The following CDH12 variants were observed in gnomAD, a reference collection of about 807,000 sequenced individuals.
CDH12 encodes the protein cadherin-12.
In CDH12, 41 loss-of-function variants were observed where a neutral mutation model predicts 74.1. The ratio of observed to expected loss-of-function variants is 0.55; its 90% CI spans 0.43 to 0.72. The LOEUF is 0.72. Ranked by LOEUF, CDH12 falls within the 30% of genes least tolerant of loss-of-function variation. The probability of loss-of-function intolerance (pLI) is 0.00; values close to 1 mark genes in which losing one functional copy is unlikely to be tolerated. For missense variants in CDH12, 945 were observed against 977.2 expected, an observed-to-expected ratio of 0.97 and a Z score of 0.44; for synonymous variants, 399 against 355.0, an observed-to-expected ratio of 1.12 and a Z score of -1.39.
At chr5:22,261,072 T>TATATATACTA (rs1753491713) in intron 3 of CDH12, among the ~76,000 whole-genome samples, 1 of 144,862 alleles carries the variant, frequency 6.9e-6, no homozygotes, top group Non-Finnish European at 1.5e-5. Context: ...TGTGTGTGTG[T>TATATATACTA]GTATATACAC....
chr5:22,741,579 A>C (rs1745026796), intron 1 of CDH12, among the ~76,000 whole-genome samples: 1 of 152,086 alleles, frequency 6.6e-6, no homozygotes, highest in African/African-American at 2.4e-5. Flanking sequence ...ATCTCATGCA[A>C]AATGTGAAAA....
chr5:21,924,167 C>G (rs184474306), intron 6 of CDH12, among the ~76,000 whole-genome samples: 1 of 152,160 alleles, frequency 6.6e-6, no homozygotes, highest in East Asian at 1.9e-4. Flanking sequence ...GCACTTTTTT[C>G]CCTGTTGAAT....
At chr5:22,652,265 A>G (rs1314205081) in intron 1 of CDH12, among the ~76,000 whole-genome samples, 2 of 152,284 alleles carry the variant, frequency 1.3e-5, no homozygotes, top group Middle Eastern at 3.4e-3. Flanking sequence ...ATACTAACAT[A>G]TGACCACAGA....
chr5:21,967,970 C>A (rs953259448), intron 6 of CDH12, among the ~76,000 whole-genome samples: 1 of 152,146 alleles, frequency 6.6e-6, no homozygotes, highest in Non-Finnish European at 1.5e-5. Context: ...TACAAATCAA[C>A]GGCTTGTCTC....
chr5:21,996,115 T>G (rs1461064429), intron 5 of CDH12, among the ~76,000 whole-genome samples: 5 of 81,846 alleles, frequency 6.1e-5, no homozygotes, highest in African/African-American at 1.6e-4. Flanking sequence ...GTTTTTTTTT[T>G]TTTTTTTTTT....
At chr5:22,213,212 C>T (rs1751641977) in intron 3 of CDH12, among the ~76,000 whole-genome samples, 1 of 152,032 alleles carries the variant, frequency 6.6e-6, no homozygotes, top group Non-Finnish European at 1.5e-5. Context: ...TTTATTACAG[C>T]CCTCCAGAGT....
At chr5:22,433,604 C>A (rs931692190) in intron 2 of CDH12, among the ~76,000 whole-genome samples, 9 of 151,924 alleles carry the variant, frequency 5.9e-5, no homozygotes, top group Non-Finnish European at 1.3e-4. Context: ...TACCATGTGA[C>A]AAGACATATA....
chr5:22,628,237 T>A (rs1330147608), intron 1 of CDH12, among the ~76,000 whole-genome samples: 1 of 152,100 alleles, frequency 6.6e-6, no homozygotes, highest in Non-Finnish European at 1.5e-5. Context: ...ACTCGACACT[T>A]GACCATATAG....
At chr5:22,307,280 C>T (rs1738155565) in intron 3 of CDH12, among the ~76,000 whole-genome samples, 1 of 152,168 alleles carries the variant, frequency 6.6e-6, no homozygotes, top group Non-Finnish European at 1.5e-5. Context: ...AATCTTCAGT[C>T]AATGTCAGCC....
chr5:22,784,113 A>G (rs1004844266), intron 1 of CDH12, among the ~76,000 whole-genome samples: 2 of 152,148 alleles, frequency 1.3e-5, no homozygotes, highest in Non-Finnish European at 2.9e-5. Flanking sequence ...TTACTGTGTC[A>G]TACATTGCCA....
At chr5:21,781,097 G>A (rs1004362922) in intron 11 of CDH12, among the ~76,000 whole-genome samples, 1 of 152,142 alleles carries the variant, frequency 6.6e-6, no homozygotes, top group Non-Finnish European at 1.5e-5. Context: ...TATGAAAGAA[G>A]ACGGCAAGGC....
At chr5:21,809,466 C>A (rs1561203400) in intron 9 of CDH12, among the ~76,000 whole-genome samples, 1 of 152,054 alleles carries the variant, frequency 6.6e-6, no homozygotes, top group Admixed American at 6.6e-5. Flanking sequence ...TTCTAACATG[C>A]ATTGTTGTAC....
chr5:22,337,689 T>G (rs1445108644), intron 3 of CDH12, among the ~76,000 whole-genome samples: 1 of 152,190 alleles, frequency 6.6e-6, no homozygotes, highest in Non-Finnish European at 1.5e-5. Context: ...AACCTTTCTC[T>G]TTTGCAAATT....
chr5:22,291,602 AC>A (rs1737390950), intron 3 of CDH12, among the ~76,000 whole-genome samples: 1 of 152,186 alleles, frequency 6.6e-6, no homozygotes, highest in African/African-American at 2.4e-5. Context: ...AATCCTATTT[AC>A]ACTAGCTATA....
At chr5:21,900,276 AAAGG>A (rs1753324420) in intron 6 of CDH12, among the ~76,000 whole-genome samples, 1 of 152,182 alleles carries the variant, frequency 6.6e-6, no homozygotes, top group South Asian at 2.1e-4. Context: ...GGCAATAAAG[AAAGG>A]AAGGAAGAAA....
chr5:21,996,776 TA>T (rs751096871), intron 5 of CDH12, among the ~76,000 whole-genome samples: 4 of 152,322 alleles, frequency 2.6e-5, no homozygotes. Flanking sequence ...ATTTCATATG[TA>T]AATGTGTTAC....
chr5:22,831,185 T>A (rs1736584905), intron 1 of CDH12, among the ~76,000 whole-genome samples: 1 of 152,044 alleles, frequency 6.6e-6, no homozygotes, highest in Non-Finnish European at 1.5e-5. Context: ...AATATATATT[T>A]CTATAAAGAA....
At chr5:22,806,162 G>C (rs1689118419) in intron 1 of CDH12, among the ~76,000 whole-genome samples, 1 of 151,938 alleles carries the variant, frequency 6.6e-6, no homozygotes, top group African/African-American at 2.4e-5. Flanking sequence ...ATAATCCTTT[G>C]GATATATACC....
At chr5:21,777,636 G>A (rs147284703) in intron 11 of CDH12, among the ~76,000 whole-genome samples, 162 of 151,110 alleles carry the variant, frequency 1.1e-3, no homozygotes, top group African/African-American at 3.5e-3. Context: ...GATTATAGGC[G>A]CCCGCCACAA....
Sources: allele counts gnomAD v4.1 joint callset (sites outside exome capture counted in the v4.1 genomes callset), GRCh38; gene constraint gnomAD v4.1.1; transcripts MANE v1.5; gene names NCBI Gene and HGNC (gene_info 2026-07-23, HGNC 2026-07-21).